The following SHISAL2A variants were observed in gnomAD, a reference collection of about 807,000 sequenced individuals.
SHISAL2A encodes the protein protein shisa-like-2A.
SHISAL2A carries 18 observed loss-of-function variants against 11.5 expected under a neutral mutation model. The ratio of observed to expected loss-of-function variants is 1.57; its 90% CI spans 1.08 to 2.33. The LOEUF (loss-of-function observed/expected upper bound fraction) is 2.33. Ranked by LOEUF, SHISAL2A falls within the 30% of genes most tolerant of loss-of-function variation. The pLI, the probability that SHISAL2A is intolerant of heterozygous loss-of-function variation, is 0.00. For missense variants in SHISAL2A, 261 were observed against 250.9 expected, an observed-to-expected ratio of 1.04 and a Z score of -0.27; for synonymous variants, 94 against 99.6, an observed-to-expected ratio of 0.94 and a Z score of 0.34.
downstream of SHISAL2A, among the ~76,000 whole-genome samples, chr1:52,658,300 A>T (rs563880297): frequency 1.1e-4 from 16 of 152,344 alleles, no homozygotes; most frequent in South Asian, 1.7e-3. Context: ...TTGGCCTCCC[A>T]AAGTGCTGGG....
intron 1 of SHISAL2A, among the ~76,000 whole-genome samples, chr1:52,641,244 G>A (rs1055116851): frequency 6.6e-6 from 1 of 152,186 alleles, no homozygotes; most frequent in African/African-American, 2.4e-5. Flanking sequence ...CAAGGAAGGG[G>A]CAATGGGCAC....
intron 2 of SHISAL2A, among the ~76,000 whole-genome samples, chr1:52,652,496 A>G (rs560542350): frequency 1.3e-5 from 2 of 152,190 alleles, no homozygotes; most frequent in South Asian, 2.1e-4. Context: ...AAGCACCTCT[A>G]TCCATGGAAG....
At chr1:52,634,643 G>T (rs1691201765) in intron 1 of SHISAL2A, among the ~76,000 whole-genome samples, 1 of 152,186 alleles carries the variant, frequency 6.6e-6, no homozygotes, top group Admixed American at 6.5e-5. Flanking sequence ...CTTACCTGGA[G>T]AATGGAACTT....
chr1:52,656,537 A>C (rs1184233072), intron 2 of SHISAL2A, among the ~76,000 whole-genome samples: 1 of 152,250 alleles, frequency 6.6e-6, no homozygotes, highest in African/African-American at 2.4e-5. Flanking sequence ...GTTATGGTGA[A>C]GGTCAAGTCT....
At chr1:52,659,194 A>C (rs1247894301), downstream of SHISAL2A, among the ~76,000 whole-genome samples, 1 of 152,078 alleles carries the variant, frequency 6.6e-6, no homozygotes, top group East Asian at 1.9e-4. Flanking sequence ...CCTCCCAAGC[A>C]ACTGTGACTA....
At chr1:52,645,777 A>G (rs2149880721) in intron 2 of SHISAL2A, among the ~76,000 whole-genome samples, 1 of 152,364 alleles carries the variant, frequency 6.6e-6, no homozygotes, top group South Asian at 2.1e-4. Context: ...TATGGCACAT[A>G]TGTGGATAGA....
In SHISAL2A at chr1:52,662,511, A is replaced by T. The variant is rs1571704468; in HGVS notation, n.695+2931A>T. ...AGGCCCCTGCCAATATGCCCGGCTA[A>T]TTTTTTTTTTTTTTTTTTAAATAAA... On this transcript the variant is annotated intron_variant and non_coding_transcript_variant, in intron 4 of 5. Coordinates refer to the SHISAL2A transcript ENST00000401050. Among the ~76,000 whole-genome samples the T allele has an allele frequency of 8.7e-5, 12 of 137,698 alleles. 1 individual carries two copies. The South Asian group carries it at 2.8e-3, about 32-fold the overall frequency. The allele number at this position is 137,698 out of a possible 152,430, so 90.3% of individuals were successfully genotyped here. A position where few individuals can be genotyped will look rare whatever the true frequency, so the allele number is the denominator to read the frequency against.
At chr1:52,660,072 G>T (rs1041173977), downstream of SHISAL2A, among the ~76,000 whole-genome samples, 2 of 152,154 alleles carry the variant, frequency 1.3e-5, no homozygotes, top group African/African-American at 4.8e-5. Context: ...TAAGTCCCCA[G>T]AATTTGCATT....
chr1:52,654,259 A>AGATAGATG (rs755707698), intron 2 of SHISAL2A, among the ~76,000 whole-genome samples: 9 of 141,228 alleles, frequency 6.4e-5, no homozygotes, highest in Admixed American at 3.4e-4. Context: ...ATAGATAGAT[A>AGATAGATG]GACAGATAGA....
chr1:52,666,836 C>T (rs2149897850), intron 4 of SHISAL2A, among the ~76,000 whole-genome samples: 1 of 152,298 alleles, frequency 6.6e-6, no homozygotes, highest in South Asian at 2.1e-4. Context: ...TGGGCACGGC[C>T]AAAGTCCTGC....
At chr1:52,663,463 G>GA (rs1369469449) in intron 4 of SHISAL2A, among the ~76,000 whole-genome samples, 1 of 152,076 alleles carries the variant, frequency 6.6e-6, no homozygotes, top group African/African-American at 2.4e-5. Flanking sequence ...CTTATTCTAA[G>GA]AAAATCAGAA....
chr1:52,637,951 A>G (rs1691273565), intron 1 of SHISAL2A, among the ~76,000 whole-genome samples: 1 of 152,152 alleles, frequency 6.6e-6, no homozygotes, highest in African/African-American at 2.4e-5. Flanking sequence ...ACTGAAAGAT[A>G]TAACTCATTC....
At chr1:52,662,485 C>G (rs1279441360) in intron 4 of SHISAL2A, among the ~76,000 whole-genome samples, 2 of 151,508 alleles carry the variant, frequency 1.3e-5, no homozygotes, top group Non-Finnish European at 2.9e-5. Flanking sequence ...GCTGGGATTA[C>G]AGGCCCCTGC....
At chr1:52,669,048 T>C (rs1692062602) in exon 6 of SHISAL2A, 1 of 151,894 alleles carries the variant, frequency 6.6e-6, no homozygotes, top group South Asian at 2.1e-4. Context: ...TTGAGACAGA[T>C]CTTGAAGGAG....
downstream of SHISAL2A, among the ~76,000 whole-genome samples, chr1:52,661,176 G>C (rs1691900638): frequency 6.6e-6 from 1 of 152,190 alleles, no homozygotes; most frequent in Non-Finnish European, 1.5e-5. Context: ...ATATTAAGGG[G>C]CTTGGTCTTT....
downstream of SHISAL2A, among the ~76,000 whole-genome samples, chr1:52,661,179 T>C (rs1280437774): frequency 6.6e-6 from 1 of 152,214 alleles, no homozygotes; most frequent in Middle Eastern, 3.2e-3. Context: ...TTAAGGGGCT[T>C]GGTCTTTATC....
At chr1:52,667,377 C>A in intron 4 of SHISAL2A, 1 of 983,848 alleles carries the variant, frequency 1.0e-6, no homozygotes, top group Non-Finnish European at 1.2e-6. Flanking sequence ...AAGATTTGTT[C>A]ACATTCTCTA....
intron 1 of SHISAL2A, among the ~76,000 whole-genome samples, chr1:52,635,229 G>C (rs1691213117): frequency 6.6e-6 from 1 of 152,240 alleles, no homozygotes; most frequent in South Asian, 2.1e-4. Context: ...AGTTCATTTT[G>C]CTTGCTGCCC....
downstream of SHISAL2A, among the ~76,000 whole-genome samples, chr1:52,658,815 C>T (rs1337490611): frequency 6.6e-6 from 1 of 152,186 alleles, no homozygotes; most frequent in Non-Finnish European, 1.5e-5. Flanking sequence ...GCTCAGCAGC[C>T]ACCAAAAGCA....
Sources: gnomAD v4.1 joint callset for allele counts (sites outside exome capture counted in the v4.1 genomes callset) on GRCh38, gnomAD v4.1.1 for gene constraint, MANE v1.5 for transcripts, NCBI Gene and HGNC (gene_info 2026-07-23, HGNC 2026-07-21) for gene names.